Variants in PDE4D observed in about 807,000 individuals in gnomAD.
The protein encoded by PDE4D is phosphodiesterase 4D.
A neutral mutation model predicts 87.4 loss-of-function variants in PDE4D; 24 were observed. The ratio of observed to expected loss-of-function variants is 0.27; its 90% confidence interval spans 0.20 to 0.39. The LOEUF (loss-of-function observed/expected upper bound fraction) is 0.39. PDE4D is among the 10% of genes least tolerant of loss of function. PDE4D has a pLI of 1.00. For synonymous variants in PDE4D, 384 were observed against 383.2 expected (o/e 1.00, Z -0.02); for missense variants, 714 against 1,041.0 (o/e 0.69, Z 4.32).
At chr5:59,444,477 G>A (rs1798068963) in intron 1 of PDE4D, among the ~76,000 whole-genome samples, 1 of 152,118 alleles carries the variant, frequency 6.6e-6, no homozygotes, top group African/African-American at 2.4e-5. Context: ...TCACATTAAA[G>A]TTGAGATTTG....
At chr5:60,493,385 A>G (rs1053160429) in intron 1 of PDE4D, among the ~76,000 whole-genome samples, 3 of 152,250 alleles carry the variant, frequency 2.0e-5, no homozygotes, top group African/African-American at 7.2e-5. Flanking sequence ...TCTGGAATTC[A>G]TGCTGAATTC....
intron 1 of PDE4D, among the ~76,000 whole-genome samples, chr5:59,693,920 A>G (rs1751359879): frequency 6.6e-6 from 1 of 152,166 alleles, no homozygotes; most frequent in Non-Finnish European, 1.5e-5. Flanking sequence ...TAAGAGAGAA[A>G]ATATTATGAA....
intron 1 of PDE4D, among the ~76,000 whole-genome samples, chr5:60,203,783 T>C (rs1312315888): frequency 1.3e-5 from 2 of 152,176 alleles, no homozygotes; most frequent in African/African-American, 4.8e-5. Context: ...TAACTGGAGA[T>C]AGGATGTAAT....
chr5:60,397,822 C>T (rs572017978), intron 1 of PDE4D, among the ~76,000 whole-genome samples: 7 of 152,312 alleles, frequency 4.6e-5, no homozygotes, highest in African/African-American at 1.7e-4. Context: ...TGCCTGAGCT[C>T]TCATGTTGGA....
intron 3 of PDE4D, among the ~76,000 whole-genome samples, chr5:59,950,394 A>T (rs2063675346): frequency 6.6e-6 from 1 of 152,148 alleles, no homozygotes; most frequent in African/African-American, 2.4e-5. Flanking sequence ...TTTATATTTG[A>T]TAAATGATTT....
At chr5:59,612,186 T>C (rs1436335636) in intron 1 of PDE4D, among the ~76,000 whole-genome samples, 1 of 152,120 alleles carries the variant, frequency 6.6e-6, no homozygotes, top group Non-Finnish European at 1.5e-5. Flanking sequence ...ACTAATGACC[T>C]AAAAACAATT....
At chr5:59,981,201 G>A (rs957815424) in intron 3 of PDE4D, among the ~76,000 whole-genome samples, 3 of 152,064 alleles carry the variant, frequency 2.0e-5, no homozygotes, top group Non-Finnish European at 2.9e-5. Flanking sequence ...GCAGTGAGCC[G>A]AGATCACGCC....
At chr5:59,232,820 A>G (rs1755524234) in intron 1 of PDE4D, among the ~76,000 whole-genome samples, 1 of 144,824 alleles carries the variant, frequency 6.9e-6, no homozygotes, top group South Asian at 2.2e-4. Flanking sequence ...ACATATATAT[A>G]TATATATACA....
At chr5:60,329,317 G>A (rs73106769) in intron 1 of PDE4D, among the ~76,000 whole-genome samples, 1 of 152,134 alleles carries the variant, frequency 6.6e-6, no homozygotes, top group African/African-American at 2.4e-5. Context: ...GTTTTACAAA[G>A]GGCACTTCCC....
chr5:59,903,889 G>A (rs1239323898), intron 3 of PDE4D, among the ~76,000 whole-genome samples: 1 of 152,126 alleles, frequency 6.6e-6, no homozygotes, highest in Non-Finnish European at 1.5e-5. Flanking sequence ...CCTCATGATT[G>A]TTCTATTTAA....
At chr5:60,506,276 T>A (rs951004202) in intron 1 of PDE4D, among the ~76,000 whole-genome samples, 4 of 152,234 alleles carry the variant, frequency 2.6e-5, no homozygotes, top group African/African-American at 9.6e-5. Flanking sequence ...AATGCATACA[T>A]GCACACGTGA....
rs118010080 is a variant in PDE4D, at chr5:59,172,624, C to G, written c.808+7971G>C. Among the ~76,000 whole-genome samples the G allele has an allele frequency of 2.9e-3, 439 of 151,592 alleles. 7 individuals carry two copies. The East Asian group carries it at 0.052, about 18-fold the overall frequency. On this transcript the variant is annotated intron_variant, in intron 5 of 14. Transcript: ENST00000340635. ...TCAGGAGGCTGAGGTGGGAGGATTGCTGGAGACTGGGAGGCGGAGGTTGCA... is the reference window on the plus strand; with the variant it reads ...TCAGGAGGCTGAGGTGGGAGGATTGGTGGAGACTGGGAGGCGGAGGTTGCA...
intron 2 of PDE4D, among the ~76,000 whole-genome samples, chr5:60,106,425 C>T (rs1776925521): frequency 6.6e-6 from 1 of 151,808 alleles, no homozygotes. Flanking sequence ...TTTAACACCC[C>T]ACTGTCAACA....
At chr5:59,034,568 T>C (rs1322400389) in intron 6 of PDE4D, among the ~76,000 whole-genome samples, 2 of 152,196 alleles carry the variant, frequency 1.3e-5, no homozygotes, top group African/African-American at 2.4e-5. Context: ...ATGTTCTGCA[T>C]TGACTATTAC....
chr5:60,486,747 A>G (rs1242165847), intron 1 of PDE4D, among the ~76,000 whole-genome samples: 1 of 152,216 alleles, frequency 6.6e-6, no homozygotes, highest in Non-Finnish European at 1.5e-5. Flanking sequence ...TTGCCACAGG[A>G]GCCTGTGATT....
intron 1 of PDE4D, among the ~76,000 whole-genome samples, chr5:59,811,864 G>A (rs751684365): frequency 5.3e-5 from 8 of 151,986 alleles, no homozygotes; most frequent in Non-Finnish European, 1.2e-4. Flanking sequence ...TTTCCTGTAT[G>A]TTATTTGTGA....
At chr5:59,653,128 G>A (rs1249170905) in intron 1 of PDE4D, among the ~76,000 whole-genome samples, 1 of 150,190 alleles carries the variant, frequency 6.7e-6, no homozygotes, top group Admixed American at 6.6e-5. Context: ...ACTGAAACTT[G>A]TAAAATACAA....
At chr5:60,244,337 A>G (rs1747461365) in intron 1 of PDE4D, among the ~76,000 whole-genome samples, 1 of 152,044 alleles carries the variant, frequency 6.6e-6, no homozygotes, top group Non-Finnish European at 1.5e-5. Flanking sequence ...ATGTTCATGG[A>G]CTGGAAGAAT....
At chr5:59,133,477 G>T (rs1334139502) in intron 5 of PDE4D, among the ~76,000 whole-genome samples, 1 of 152,032 alleles carries the variant, frequency 6.6e-6, no homozygotes, top group Non-Finnish European at 1.5e-5. Flanking sequence ...TCAAGCAACA[G>T]AAGACACAGC....
Sources: allele counts gnomAD v4.1 joint callset (sites outside exome capture counted in the v4.1 genomes callset), GRCh38; gene constraint gnomAD v4.1.1; transcripts MANE v1.5; gene names NCBI Gene and HGNC (gene_info 2026-07-23, HGNC 2026-07-21).